SYNE2: variants seen among roughly 807,000 people sequenced by gnomAD.
SYNE2 encodes the protein nesprin-2.
In SYNE2, 431 loss-of-function variants were observed where a neutral mutation model predicts 856.3. The ratio of observed to expected loss-of-function variants is 0.50; its 90% CI spans 0.47 to 0.55. The LOEUF (loss-of-function observed/expected upper bound fraction) is 0.55. Ranked by LOEUF, SYNE2 falls within the 20% of genes least tolerant of loss-of-function variation. SYNE2 has a pLI of 0.00. For synonymous variants in SYNE2, 2,923 were observed against 2,872.3 expected, an observed-to-expected ratio of 1.02 and a Z score of -0.56; for missense variants, 8,129 against 8,023.2, an observed-to-expected ratio of 1.01 and a Z score of -0.50.
intron 49 of SYNE2, among the ~76,000 whole-genome samples, chr14:64,061,978 C>T (rs1010498379): frequency 5.3e-5 from 8 of 152,146 alleles, no homozygotes; most frequent in Admixed American, 6.5e-5. Context: ...TCAATTTATT[C>T]ATGCGTTTTA....
intron 2 of SYNE2, among the ~76,000 whole-genome samples, chr14:63,938,602 G>A (rs1255691745): frequency 6.6e-6 from 1 of 152,090 alleles, no homozygotes; most frequent in Non-Finnish European, 1.5e-5. Context: ...GAGGGTAGAG[G>A]ATGAACTGGA....
In SYNE2 at chr14:64,225,640, A is replaced by G. The variant is rs1001586716; in HGVS notation, c.*114A>G. On this transcript the variant is annotated 3_prime_UTR_variant, in exon 116 of 116. Coordinates refer to ENST00000555002, the MANE Select transcript of SYNE2 (RefSeq NM_182914.3). ...GTTGGCAAGGTCCCGGGACCTGTGC[A>G]GACTTCTTCTGGGCTTACCCAGCAC... is the stretch of plus-strand genomic sequence containing the variant. The G allele has an allele frequency of 9.2e-6, 11 of 1,193,776 alleles. No homozygotes were observed. The Admixed American group carries it at 1.8e-4, about 19-fold the overall frequency. 73.9% of individuals were successfully genotyped at this position (1,193,776 alleles called of 1,614,324 possible).
intron 68 of SYNE2, among the ~76,000 whole-genome samples, chr14:64,121,802 G>A (rs2097900972): frequency 1.3e-5 from 2 of 152,194 alleles, no homozygotes; most frequent in Admixed American, 1.3e-4. Flanking sequence ...GATTTTCCAT[G>A]TATGCGGTTT....
rs1286709969 is a variant in SYNE2, at chr14:64,215,345, G to A, written c.19393G>A (p.Ala6465Thr). ...YLKMTTKTLK[A>T]SSGKSISDGH... ...TAAAATGACCACAAAAACTTTGAAA[G>A]CGTCTTCTGGTAGGCCCCCGCCCAT... The change falls in exon 107 of 116, where the codon GCG (alanine) becomes ACG (threonine). Residue 6465 changes from alanine (A) to threonine (T), a missense_variant. Around this residue, in one of 3 missense-constraint regions of SYNE2, gnomAD observed 5,410 missense variants for 5,284.8 expected, o/e 1.02. Coordinates refer to ENST00000555002, the MANE Select transcript of SYNE2 (RefSeq NM_182914.3). The A allele has an allele frequency of 1.2e-6, 2 of 1,613,956 alleles. No homozygotes were observed. The highest frequency in any genetic ancestry group is 8.5e-7 in the Non-Finnish European group (1 of 1,180,028).
intron 1 of SYNE2, among the ~76,000 whole-genome samples, chr14:63,890,887 C>G (rs2095115647): frequency 6.6e-6 from 1 of 152,168 alleles, no homozygotes; most frequent in Non-Finnish European, 1.5e-5. Context: ...GCTGTTCATG[C>G]TCCTCTCTGT....
rs1221535624 is a variant in SYNE2 at position 63,814,859 on chromosome 14, TATATCTCTCC to T, written c.-304-37637_-304-37628del. 5.0e-4 allele frequency among the ~76,000 whole-genome samples: 60 copies of T among 118,888 alleles called. 1 individual carries two copies. In the South Asian group the frequency reaches 0.013, roughly 26 times the overall value. The allele number at this position is 118,888 out of a possible 152,430, so 78.0% of individuals were successfully genotyped here. ...ATACATATCTCCATATATATCCATA[TATATCTCTCC>T]ATATATATCCATATATATATCCATA... On this transcript the variant is annotated intron_variant, in intron 1 of 23. Transcript: ENST00000674003.
At chr14:64,142,907 A>G (rs1407289959) in intron 82 of SYNE2, among the ~76,000 whole-genome samples, 2 of 152,244 alleles carry the variant, frequency 1.3e-5, no homozygotes, top group African/African-American at 4.8e-5. Flanking sequence ...GCTCAGCACT[A>G]TGCTGGCCAC....
chr14:63,849,489 CT>C (rs756734383), upstream of SYNE2, among the ~76,000 whole-genome samples: 2 of 152,140 alleles, frequency 1.3e-5, no homozygotes, highest in African/African-American at 4.8e-5. Flanking sequence ...ACACTACCAC[CT>C]TCTGTGCCCA....
intron 53 of SYNE2, among the ~76,000 whole-genome samples, chr14:64,075,393 T>G (rs1031327587): frequency 2.6e-5 from 4 of 152,210 alleles, no homozygotes; most frequent in African/African-American, 9.6e-5. Context: ...TTCTTTTATC[T>G]CCTAAAAACC....
intron 1 of SYNE2, among the ~76,000 whole-genome samples, chr14:63,872,397 A>G (rs1595345647): frequency 1.3e-5 from 2 of 150,006 alleles, no homozygotes; most frequent in African/African-American, 2.5e-5. Flanking sequence ...TTGTCACTGC[A>G]CTCCACACCC....
Position 64,141,495 on chromosome 14 carries a change from T to C in SYNE2, c.15131T>C (p.Leu5044Pro). 5 of 1,614,042 alleles carry C rather than the reference T, an allele frequency of 3.1e-6. No homozygotes were observed. The highest frequency in any genetic ancestry group is 4.2e-6 in the Non-Finnish European group (5 of 1,179,960). Residue 5044 changes from leucine (L) to proline (P), a missense_variant, in exon 81 of 116, where the codon CTT (leucine) becomes CCT (proline). Coordinates refer to ENST00000555002, the MANE Select transcript of SYNE2 (RefSeq NM_182914.3). ...AAATGGACAATGCTCATAACTCAAC[T>C]TCCAGATATTCAAGAAAAACTTCAC... ...EQKWTMLITQ[L>P]PDIQEKLHQL...
chr14:63,797,767 G>T (rs1887976962), intron 1 of SYNE2, among the ~76,000 whole-genome samples: 1 of 152,202 alleles, frequency 6.6e-6, no homozygotes, highest in East Asian at 1.9e-4. Flanking sequence ...TACACATCAG[G>T]ATTGTATGTG....
intron 1 of SYNE2, among the ~76,000 whole-genome samples, chr14:63,832,060 G>C (rs1265035750): frequency 1.3e-5 from 2 of 151,728 alleles, no homozygotes; most frequent in African/African-American, 4.8e-5. Context: ...GTGGCAAAGA[G>C]GTTTATTGAT....
intron 77 of SYNE2, 36 bp downstream of exon 77, chr14:64,132,474 G>T (rs778499990): frequency 9.9e-6 from 16 of 1,613,582 alleles, no homozygotes; most frequent in Non-Finnish European, 5.1e-6. Context: ...CTGAAGCTGG[G>T]AATTGCTGAT....
intron 1 of SYNE2, among the ~76,000 whole-genome samples, chr14:63,818,179 A>G (rs1889078820): frequency 6.6e-6 from 1 of 151,840 alleles, no homozygotes; most frequent in African/African-American, 2.4e-5. Context: ...TACTAAAAAT[A>G]CAAAAATTAG....
intron 32 of SYNE2, among the ~76,000 whole-genome samples, chr14:64,015,472 G>C (rs2096885518): frequency 6.6e-6 from 1 of 152,042 alleles, no homozygotes; most frequent in African/African-American, 2.4e-5. Context: ...AAATTTGTGT[G>C]TGTAAAGTTA....
chr14:64,163,275 A>G, intron 88 of SYNE2, 127 bp from the exon 89 acceptor site: 2 of 1,102,544 alleles, frequency 1.8e-6, no homozygotes, highest in Non-Finnish European at 2.7e-6. Flanking sequence ...TAAAATAAAT[A>G]ATAACAAAAG....
chr14:63,814,391 A>G (rs1383460972), intron 1 of SYNE2, among the ~76,000 whole-genome samples: 1 of 147,380 alleles, frequency 6.8e-6, no homozygotes, highest in Non-Finnish European at 1.5e-5. Context: ...TATTATATAT[A>G]TATCCATAAA....
Position 64,163,476 on chromosome 14 carries a change from A to G in SYNE2, c.16374A>G (p.Gln5458=), listed in dbSNP as rs191057574. ...QNSSVLDRLP[Q]PAESSTHMLL... is the part of the protein sequence containing the mutation. ...CCAGTGTCCTGGATCGACTCCCACA[A>G]CCCGCAGAGTCCAGCACCCACATGC... The change falls in exon 89 of 116, where the codon CAA becomes CAG. Residue 5458 remains glutamine (Q), a synonymous_variant. Coordinates refer to ENST00000555002, the MANE Select transcript of SYNE2 (RefSeq NM_182914.3). The G allele has an allele frequency of 6.2e-7, 1 of 1,613,996 alleles. No individual in the cohort carries two copies. The highest frequency in any genetic ancestry group is 8.5e-7 in the Non-Finnish European group (1 of 1,180,016).
Sources: gnomAD v4.1 joint callset for allele counts (sites outside exome capture counted in the v4.1 genomes callset) on GRCh38, gnomAD v4.1.1 for gene constraint, gnomAD v4.1.1 regional missense constraint, MANE v1.5 for transcripts, NCBI Gene and HGNC (gene_info 2026-07-23, HGNC 2026-07-21) for gene names.